Variants in LRRTM1 observed in about 807,000 individuals in gnomAD.
The protein encoded by LRRTM1 is leucine rich repeat transmembrane neuronal 1, also known as leucine-rich repeat transmembrane neuronal protein 1.
LRRTM1 carries 8 observed loss-of-function variants against 37.3 expected under a neutral mutation model. That is an observed-to-expected ratio of 0.21 (90% CI 0.13 to 0.39). The LOEUF is 0.39. Among genes scored for constraint, LRRTM1 ranks in the 10% least tolerant of loss-of-function variants. LRRTM1 has a pLI of 1.00. For synonymous variants in LRRTM1, 326 were observed against 316.8 expected (o/e 1.03, Z -0.31); for missense variants, 557 against 691.0 (o/e 0.81, Z 2.17).
At chr2:80,295,087 C>A (rs1675623135) in intron 2 of LRRTM1, among the ~76,000 whole-genome samples, 1 of 152,014 alleles carries the variant, frequency 6.6e-6, no homozygotes, top group East Asian at 1.9e-4. Context: ...TCCCACCTTG[C>A]CTTTTTTTCT....
chr2:80,304,584 T>C lies in LRRTM1; in HGVS notation c.-492A>G, dbSNP rs1676721855. The C allele has an allele frequency of 6.6e-6, 1 of 151,810 alleles. No homozygotes were observed. Among genetic ancestry groups the C allele is most frequent in the Admixed American group, 6.6e-5 (1 of 15,190 alleles). The allele number at this position is 151,810 out of a possible 1,614,324, so 9.4% of individuals were successfully genotyped here. ...GCCTGCCATTCGCGCCCCGGGCAGCTGCAGAGAGCGGGCTCACTCATGCTT... is the reference window on the plus strand; with the variant it reads ...GCCTGCCATTCGCGCCCCGGGCAGCCGCAGAGAGCGGGCTCACTCATGCTT... On this transcript the variant is annotated 5_prime_UTR_variant, in exon 1 of 2. Transcript: ENST00000295057.
chr2:80,300,552 G>C (rs748470500), downstream of LRRTM1, among the ~76,000 whole-genome samples: 1 of 151,996 alleles, frequency 6.6e-6, no homozygotes, highest in Admixed American at 6.6e-5. Flanking sequence ...GGAGACATTT[G>C]CATGTTGGGG....
At chr2:80,300,314 G>A (rs1035740945), downstream of LRRTM1, among the ~76,000 whole-genome samples, 2 of 151,160 alleles carry the variant, frequency 1.3e-5, no homozygotes, top group Admixed American at 1.3e-4. Context: ...GTGTGTGTGT[G>A]TGTGTGTGTG....
At chr2:80,299,104 A>G (rs1167127395), downstream of LRRTM1, 1 of 152,224 alleles carries the variant, frequency 6.6e-6, no homozygotes, top group Admixed American at 6.5e-5. Context: ...CACAATGCCC[A>G]GGACGAGACG....
downstream of LRRTM1, among the ~76,000 whole-genome samples, chr2:80,297,318 T>C (rs1472268776): frequency 6.6e-6 from 1 of 152,198 alleles, no homozygotes; most frequent in African/African-American, 2.4e-5. Flanking sequence ...CACATCCCAG[T>C]GCTTCCAATC....
intron 2 of LRRTM1, among the ~76,000 whole-genome samples, chr2:80,296,853 A>G (rs1267742444): frequency 6.6e-6 from 1 of 152,194 alleles, no homozygotes; most frequent in Admixed American, 6.5e-5. Flanking sequence ...AACTGTCTCC[A>G]GACACAAACA....
intron 2 of LRRTM1, among the ~76,000 whole-genome samples, chr2:80,296,209 T>A (rs1675730221): frequency 6.6e-6 from 1 of 152,172 alleles, no homozygotes; most frequent in African/African-American, 2.4e-5. Context: ...CACTGATTTT[T>A]AAAATAGAGG....
In LRRTM1 at chr2:80,304,233, T is replaced by G. The variant is rs1676676706; in HGVS notation, c.-141A>C. 1 of 157,726 alleles carries G rather than the reference T, an allele frequency of 6.3e-6. No individual in the cohort carries two copies. Among genetic ancestry groups the G allele is most frequent in the South Asian group, 2.1e-4 (1 of 4,852 alleles). 9.8% of individuals were successfully genotyped at this position (157,726 alleles called of 1,614,324 possible). A position where few individuals can be genotyped will look rare whatever the true frequency, so the allele number is the denominator to read the frequency against. On this transcript the variant is annotated 5_prime_UTR_variant, in exon 1 of 2. Coordinates refer to ENST00000295057, the MANE Select transcript of LRRTM1 (RefSeq NM_178839.5). The stretch of plus-strand genomic sequence containing the variant: ...TATATGCAGGGCGAGAGAAGACCCC[T>G]CTGTGTTTCCGAGGCAGCCCCGGTC...
exon 3 of LRRTM1, chr2:80,288,478 T>G (rs1338214082): frequency 9.2e-5 from 14 of 152,222 alleles, no homozygotes. Flanking sequence ...AACTTCAGTC[T>G]CATTTTACAA....
intron 2 of LRRTM1, among the ~76,000 whole-genome samples, chr2:80,291,293 C>T (rs1197961778): frequency 6.6e-6 from 1 of 152,228 alleles, no homozygotes; most frequent in African/African-American, 2.4e-5. Context: ...TCCTTAACTT[C>T]ATACCCTGCC....
In LRRTM1 at chr2:80,302,580, G is replaced by C. The variant is rs780995966; in HGVS notation, c.1240C>G (p.Pro414Ala). 1 of 1,607,486 alleles carries C rather than the reference G, an allele frequency of 6.2e-7. No individual in the cohort carries two copies. The highest frequency in any genetic ancestry group is 1.3e-5 in the African/African-American group (1 of 75,052). Residue 414 changes from proline (P) to alanine (A), a missense_variant, in exon 2 of 2, where the codon CCA (proline) becomes GCA (alanine). By Grantham distance (27) the Pro-to-Ala change is conservative (BLOSUM62 -1). Around this residue, in one of 5 missense-constraint regions of LRRTM1, gnomAD observed 90 missense variants for 149.4 expected, o/e 0.60. Transcript: ENST00000295057. The surrounding 1 kb of genome is among the most constrained non-coding windows in gnomAD (Gnocchi z 6.4). ...GTFEPATVAL[P>A]GGEHAENAVQ... Reference sequence around the variant, plus strand: ...GCGTTCTCGGCGTGCTCGCCGCCTGGAAGAGCCACGGTGGCAGGCTCGAAT... The same window carrying C: ...GCGTTCTCGGCGTGCTCGCCGCCTGCAAGAGCCACGGTGGCAGGCTCGAAT...
chr2:80,295,595 G>T (rs1312491767), intron 2 of LRRTM1, among the ~76,000 whole-genome samples: 1 of 152,082 alleles, frequency 6.6e-6, no homozygotes, highest in African/African-American at 2.4e-5. Context: ...TTTTATTGTG[G>T]GGAAAAAATG....
intron 2 of LRRTM1, among the ~76,000 whole-genome samples, chr2:80,293,103 A>C (rs891634785): frequency 1.3e-5 from 2 of 152,238 alleles, no homozygotes; most frequent in African/African-American, 4.8e-5. Context: ...CCATAAATGC[A>C]ATCACTATGG....
chr2:80,303,463 C>T lies in LRRTM1; in HGVS notation c.357G>A (p.Thr119=). The change falls in exon 2 of 2, where the codon ACG becomes ACA. Residue 119 remains threonine (T), a synonymous_variant. Transcript: ENST00000295057. This position sits in a 1 kb window ranked among gnomAD's most constrained non-coding sequence, Gnocchi z 7.7. ...GTTGGGTGATCTGGTTGGAACTCAG[C>T]GTGAGTTCCTTAACTCGGCGCAGTT... The part of the protein sequence containing the change: ...FQKLRRVKEL[T]LSSNQITQLP... 2 of 1,614,226 alleles carry T rather than the reference C, an allele frequency of 1.2e-6. No individual in the cohort carries two copies. Among genetic ancestry groups the T allele is most frequent in the Non-Finnish European group, 1.7e-6 (2 of 1,180,052 alleles).
At chr2:80,289,466 A>C (rs901973612) in intron 2 of LRRTM1, among the ~76,000 whole-genome samples, 20 of 152,184 alleles carry the variant, frequency 1.3e-4, no homozygotes, top group East Asian at 1.9e-4. Context: ...GAAACCTCTT[A>C]AATCCTCTTC....
intron 2 of LRRTM1, among the ~76,000 whole-genome samples, chr2:80,296,809 C>G (rs1471321384): frequency 6.6e-6 from 1 of 152,016 alleles, no homozygotes; most frequent in Non-Finnish European, 1.5e-5. Context: ...TACTGGATAC[C>G]AGTAGCACCA....
In LRRTM1 at chr2:80,302,590, G is replaced by A. The variant is rs1676438061; in HGVS notation, c.1230C>T (p.Thr410=). Residue 410 remains threonine (T), a synonymous_variant, in exon 2 of 2, where the codon ACC becomes ACT. Coordinates refer to ENST00000295057, the MANE Select transcript of LRRTM1 (RefSeq NM_178839.5). The surrounding 1 kb of genome is among the most constrained non-coding windows in gnomAD (Gnocchi z 6.4). ...CGTGCTCGCCGCCTGGAAGAGCCAC[G>A]GTGGCAGGCTCGAATGTGCCGTCGT... The part of the protein sequence containing the change: ...GQHDGTFEPA[T]VALPGGEHAE... The A allele has an allele frequency of 2.5e-6, 4 of 1,606,772 alleles. No individual in the cohort carries two copies. Among genetic ancestry groups the A allele is most frequent in the East Asian group, 2.2e-5 (1 of 44,816 alleles).
rs200058924 is a variant in LRRTM1, at chr2:80,302,515, G to C, written c.1305C>G (p.Leu435=). 37 of 1,612,722 alleles carry C rather than the reference G, an allele frequency of 2.3e-5. No homozygotes were observed. The highest frequency in any genetic ancestry group is 1.6e-4 in the Middle Eastern group (1 of 6,084). The change falls in exon 2 of 2, where the codon CTC becomes CTG. Residue 435 remains leucine (L), a synonymous_variant. Transcript: ENST00000295057. The surrounding 1 kb of genome is among the most constrained non-coding windows in gnomAD (Gnocchi z 6.4). The part of the protein sequence containing the change: ...IHKVVTGTMA[L]IFSFLIVVLV... The stretch of plus-strand genomic sequence containing the variant: ...GGACCACGATGAGGAAGGAGAAGAT[G>C]AGGGCCATGGTGCCCGTGACCACCT...
At chr2:80,304,025 A>G in intron 1 of LRRTM1, 127 bp downstream of exon 1, 2 of 506,176 alleles carry the variant, frequency 4.0e-6, no homozygotes, top group Non-Finnish European at 6.7e-6. Context: ...TGGGCAGCAT[A>G]GAAAGTTCAC....
Sources: allele counts gnomAD v4.1 joint callset (sites outside exome capture counted in the v4.1 genomes callset), GRCh38; gene constraint gnomAD v4.1.1; regional missense constraint gnomAD v4.1.1; non-coding constraint Gnocchi (gnomAD v3.1); transcripts MANE v1.5; gene names NCBI Gene and HGNC (gene_info 2026-07-23, HGNC 2026-07-21).